Variants in DENND4A observed in about 807,000 individuals in gnomAD.
DENND4A encodes the protein DENN domain containing 4A.
A neutral mutation model predicts 199.3 loss-of-function variants in DENND4A; 70 were observed. That is an observed-to-expected ratio of 0.35 (90% CI 0.29 to 0.43). The LOEUF (loss-of-function observed/expected upper bound fraction) is 0.43. DENND4A is among the 20% of genes least tolerant of loss of function. The probability of loss-of-function intolerance (pLI) is 1.00; values close to 1 mark genes in which losing one functional copy is unlikely to be tolerated. For synonymous variants in DENND4A, 686 were observed against 766.9 expected (o/e 0.89, Z 1.74); for missense variants, 1,723 against 2,255.8 (o/e 0.76, Z 4.78).
chr15:65,686,119 G>C (rs1195310879), intron 23 of DENND4A, among the ~76,000 whole-genome samples: 1 of 152,170 alleles, frequency 6.6e-6, no homozygotes, highest in Non-Finnish European at 1.5e-5. Flanking sequence ...TGTAGGGAGG[G>C]TTGCAGCTTA....
intron 20 of DENND4A, among the ~76,000 whole-genome samples, chr15:65,699,101 C>A (rs1287126794): frequency 1.3e-5 from 2 of 151,834 alleles, no homozygotes; most frequent in African/African-American, 4.8e-5. Context: ...AGAGATAATG[C>A]CAAAGGATAA....
chr15:65,755,976 G>A (rs1359334227), intron 3 of DENND4A, among the ~76,000 whole-genome samples, 164 bp downstream of exon 3: 1 of 152,172 alleles, frequency 6.6e-6, no homozygotes. Flanking sequence ...GATAAAGAGA[G>A]ACAAAAGGAA....
At chr15:65,733,874 T>C (rs1048953201) in intron 7 of DENND4A, among the ~76,000 whole-genome samples, 1 of 152,242 alleles carries the variant, frequency 6.6e-6, no homozygotes, top group Non-Finnish European at 1.5e-5. Flanking sequence ...GTTAAACAGA[T>C]GCTTGAAGGC....
intron 1 of DENND4A, among the ~76,000 whole-genome samples, chr15:65,763,706 C>A (rs991846400): frequency 1.4e-5 from 2 of 145,216 alleles, no homozygotes; most frequent in Admixed American, 6.9e-5. Flanking sequence ...AAAAAAAATT[C>A]GATAGTGTCT....
In DENND4A at chr15:65,706,243, CAT is replaced by C; in HGVS notation, c.1954-21_1954-20del. The C allele has an allele frequency of 6.8e-7, 1 of 1,472,260 alleles. No individual in the cohort carries two copies. The highest frequency in any genetic ancestry group is 9.0e-7 in the Non-Finnish European group (1 of 1,110,728). The allele number at this position is 1,472,260 out of a possible 1,614,324, so 91.2% of individuals were successfully genotyped here. On this transcript the variant is annotated intron_variant, in intron 14 of 32. Coordinates refer to ENST00000443035, the MANE Select transcript of DENND4A (RefSeq NM_001320835.1). ...TATCCACCTAAAGGAGTTTTAAAAACATATATTAAAAAAGCCACATTGGTTAG... is the reference window on the plus strand; with the variant it reads ...TATCCACCTAAAGGAGTTTTAAAAACATATTAAAAAAGCCACATTGGTTAG...
intron 4 of DENND4A, among the ~76,000 whole-genome samples, chr15:65,747,091 G>A (rs1751641195): frequency 6.7e-6 from 1 of 148,656 alleles, no homozygotes; most frequent in Non-Finnish European, 1.5e-5. Flanking sequence ...GGGTGACAAA[G>A]TGAGACTCTG....
intron 10 of DENND4A, 47 bp downstream of exon 10, chr15:65,729,482 ATAAAC>A: frequency 6.5e-7 from 1 of 1,544,538 alleles, no homozygotes; most frequent in African/African-American, 1.4e-5. Context: ...AGTTATATAA[ATAAAC>A]TAAGTTTAAA....
Position 65,701,895 on chromosome 15 carries a change from A to T in DENND4A, c.2431-5T>A. On this transcript the variant is annotated splice_polypyrimidine_tract_variant and splice_region_variant and intron_variant, in intron 17 of 32. Coordinates refer to ENST00000443035, the MANE Select transcript of DENND4A (RefSeq NM_001320835.1). Reference sequence around the variant, plus strand: ...CATAAGAATGCGGTAGCATACCTGAAATACAAGTTCAAAATTGTACCGAAA... The same window carrying T: ...CATAAGAATGCGGTAGCATACCTGATATACAAGTTCAAAATTGTACCGAAA... The T allele has an allele frequency of 6.2e-7, 1 of 1,613,576 alleles. No individual in the cohort carries two copies. Among genetic ancestry groups the T allele is most frequent in the Non-Finnish European group, 8.5e-7 (1 of 1,179,686 alleles).
At chr15:65,790,361 AC>A (rs780849020) in intron 1 of DENND4A, among the ~76,000 whole-genome samples, 31 of 152,204 alleles carry the variant, frequency 2.0e-4, no homozygotes, top group Admixed American at 3.3e-4. Context: ...TAAAACTTGG[AC>A]CAAAAGTTAT....
intron 14 of DENND4A, among the ~76,000 whole-genome samples, chr15:65,708,630 T>A (rs900214745): frequency 6.6e-6 from 1 of 152,036 alleles, no homozygotes; most frequent in African/African-American, 2.4e-5. Context: ...TCTGTCTCTA[T>A]CGAGAGAAAA....
chr15:65,719,784 T>G (rs1434990527), intron 12 of DENND4A, among the ~76,000 whole-genome samples: 1 of 151,664 alleles, frequency 6.6e-6, no homozygotes, highest in Non-Finnish European at 1.5e-5. Context: ...AGTCCCAGCT[T>G]CTCAGGAGGC....
intron 14 of DENND4A, among the ~76,000 whole-genome samples, chr15:65,708,358 C>T (rs1263470702): frequency 6.6e-6 from 1 of 152,060 alleles, no homozygotes; most frequent in Non-Finnish European, 1.5e-5. Flanking sequence ...CAGCTTCTCC[C>T]TCTCCATATT....
intron 20 of DENND4A, among the ~76,000 whole-genome samples, chr15:65,698,112 T>C (rs1246019072): frequency 3.3e-5 from 5 of 151,862 alleles, no homozygotes; most frequent in African/African-American, 1.2e-4. Context: ...TAAAAAAAAT[T>C]AGCCAGGAAT....
intron 14 of DENND4A, among the ~76,000 whole-genome samples, chr15:65,710,440 C>A (rs1193068698): frequency 2.0e-5 from 3 of 152,242 alleles, no homozygotes; most frequent in African/African-American, 7.2e-5. Flanking sequence ...AAGGTTTGCA[C>A]AAGGAACAAT....
At chr15:65,773,083 T>A (rs1439488145) in intron 1 of DENND4A, among the ~76,000 whole-genome samples, 1 of 149,060 alleles carries the variant, frequency 6.7e-6, no homozygotes, top group East Asian at 1.9e-4. Flanking sequence ...AGCAATGGCA[T>A]CCAGTGGCAT....
intron 27 of DENND4A, among the ~76,000 whole-genome samples, chr15:65,669,541 TC>T (rs1442824091): frequency 6.6e-6 from 1 of 152,176 alleles, no homozygotes; most frequent in Admixed American, 6.5e-5. Context: ...GTAAACATTA[TC>T]ATATATACAT....
intron 20 of DENND4A, among the ~76,000 whole-genome samples, chr15:65,698,414 G>A (rs2077227457): frequency 6.6e-6 from 1 of 152,168 alleles, no homozygotes; most frequent in African/African-American, 2.4e-5. Flanking sequence ...TATCTTAGGA[G>A]ACATATGATT....
chr15:65,682,538 C>T (rs1472843696), intron 23 of DENND4A, among the ~76,000 whole-genome samples: 3 of 152,146 alleles, frequency 2.0e-5, no homozygotes, highest in African/African-American at 7.2e-5. Flanking sequence ...TGTGATCTAT[C>T]CAGACCACTC....
At chr15:65,752,688 C>T in intron 3 of DENND4A, 60 bp from the exon 4 acceptor site, 3 of 1,127,450 alleles carry the variant, frequency 2.7e-6, no homozygotes, top group East Asian at 2.6e-5. Flanking sequence ...AAGTAATATT[C>T]TCAGGCATCA....
Sources: allele counts gnomAD v4.1 joint callset (sites outside exome capture counted in the v4.1 genomes callset), GRCh38; gene constraint gnomAD v4.1.1; transcripts MANE v1.5; gene names NCBI Gene and HGNC (gene_info 2026-07-23, HGNC 2026-07-21).